Variants in PDE4D observed in about 807,000 individuals in gnomAD.
PDE4D encodes 3',5'-cyclic-AMP phosphodiesterase 4D.
In PDE4D, 24 loss-of-function variants were observed where a neutral mutation model predicts 87.4. The ratio of observed to expected loss-of-function variants is 0.27; its 90% CI spans 0.20 to 0.39. The LOEUF (loss-of-function observed/expected upper bound fraction) is 0.39, where lower values mean the gene tolerates loss of function less well. Among genes scored for constraint, PDE4D ranks in the 10% least tolerant of loss-of-function variants. PDE4D has a pLI of 1.00. For missense variants in PDE4D, 714 were observed against 1,041.0 expected (o/e 0.69, Z 4.32); for synonymous variants, 384 against 383.2 (o/e 1.00, Z -0.02).
chr5:59,144,995 A>G (rs567761169), intron 5 of PDE4D, among the ~76,000 whole-genome samples: 17 of 150,348 alleles, frequency 1.1e-4, no homozygotes, highest in Non-Finnish European at 2.4e-4. Flanking sequence ...ATTACAGACT[A>G]TGTATCCATG....
chr5:59,933,323 A>C (rs777332463), intron 3 of PDE4D, among the ~76,000 whole-genome samples: 5 of 152,192 alleles, frequency 3.3e-5, no homozygotes, highest in Non-Finnish European at 7.3e-5. Context: ...ATCTCTGTTC[A>C]ATTAAGGGTA....
chr5:59,269,408 T>C (rs1297433339), intron 1 of PDE4D, among the ~76,000 whole-genome samples: 1 of 152,158 alleles, frequency 6.6e-6, no homozygotes, highest in Non-Finnish European at 1.5e-5. Context: ...TAGTGATAAC[T>C]CTTCTGTGAT....
intron 1 of PDE4D, among the ~76,000 whole-genome samples, chr5:60,425,731 T>C (rs999912690): frequency 6.6e-6 from 1 of 152,068 alleles, no homozygotes; most frequent in African/African-American, 2.4e-5. Flanking sequence ...GAAACTACCA[T>C]CAGAGTGAAC....
intron 3 of PDE4D, among the ~76,000 whole-genome samples, chr5:59,952,408 T>G (rs1209204181): frequency 6.6e-6 from 1 of 152,212 alleles, no homozygotes; most frequent in African/African-American, 2.4e-5. Flanking sequence ...AGCTCTAAGC[T>G]TTCATGTCCC....
intron 1 of PDE4D, among the ~76,000 whole-genome samples, chr5:59,771,496 AG>A (rs781565776): frequency 0.049 from 3,945 of 81,044 alleles, 54 homozygotes; most frequent in East Asian, 0.067. Context: ...AGAGAGAGAG[AG>A]AGAAGAAAGA....
At position 59,960,893 on chromosome 5, in the gene PDE4D, T is replaced by C. The variant is rs527545146; in HGVS notation, c.272+27595A>G. On this transcript the variant is annotated intron_variant, in intron 3 of 16. Coordinates refer to the PDE4D transcript ENST00000502484. Reference sequence around the variant, plus strand: ...AAAAAATTAAAAAAATATTTATATGTGAATTGAAAAGAGAAGATAAATTAT... The same window carrying C: ...AAAAAATTAAAAAAATATTTATATGCGAATTGAAAAGAGAAGATAAATTAT... Among the ~76,000 whole-genome samples, 7 of 152,290 alleles carry C rather than the reference T, an allele frequency of 4.6e-5. No individual in the cohort carries two copies. In the South Asian group the frequency reaches 1.2e-3, roughly 27 times the overall value.
chr5:59,256,609 C>T (rs141993519), intron 1 of PDE4D, among the ~76,000 whole-genome samples: 13 of 152,150 alleles, frequency 8.5e-5, no homozygotes, highest in East Asian at 1.9e-4. Flanking sequence ...AATTGCATCA[C>T]GTTTTGATGA....
intron 1 of PDE4D, among the ~76,000 whole-genome samples, chr5:59,673,794 A>G (rs925945517): frequency 6.6e-5 from 10 of 152,224 alleles, no homozygotes; most frequent in African/African-American, 2.4e-4. Flanking sequence ...ACCATCCTGC[A>G]TGGTCATTAT....
At chr5:59,804,690 C>A (rs1370739434) in intron 1 of PDE4D, among the ~76,000 whole-genome samples, 1 of 152,192 alleles carries the variant, frequency 6.6e-6, no homozygotes. Flanking sequence ...AATATTACTT[C>A]ATTTCATAAA....
At chr5:59,549,603 A>G (rs294484) in intron 1 of PDE4D, among the ~76,000 whole-genome samples, 129,261 of 152,128 alleles carry the variant, frequency 0.85, 55,156 homozygotes, top group South Asian at 0.92. Context: ...ACATGAAAAT[A>G]TATATAACCT....
intron 1 of PDE4D, among the ~76,000 whole-genome samples, chr5:59,244,194 T>C (rs565049509): frequency 1.3e-5 from 2 of 151,994 alleles, no homozygotes; most frequent in East Asian, 3.9e-4. Flanking sequence ...CTTCAGGAGT[T>C]CAAGACCACC....
intron 1 of PDE4D, among the ~76,000 whole-genome samples, chr5:59,385,102 T>C (rs1393046114): frequency 1.3e-5 from 2 of 152,174 alleles, no homozygotes; most frequent in Admixed American, 1.3e-4. Flanking sequence ...ATTTTCTCTT[T>C]TCAGCCTCCT....
intron 5 of PDE4D, among the ~76,000 whole-genome samples, chr5:59,149,705 A>AGTTT (rs1779183642): frequency 2.6e-5 from 1 of 38,874 alleles, no homozygotes; most frequent in Non-Finnish European, 5.1e-5. Context: ...TCTCTCCTCG[A>AGTTT]GTTTTTTTTT....
chr5:59,862,593 T>C (rs898189834), intron 1 of PDE4D, among the ~76,000 whole-genome samples: 4 of 152,146 alleles, frequency 2.6e-5, no homozygotes, highest in Admixed American at 1.3e-4. Context: ...GTCTGTAAAA[T>C]GGGGATGCTA....
intron 1 of PDE4D, among the ~76,000 whole-genome samples, chr5:60,188,739 T>C (rs1437052641): frequency 2.6e-5 from 4 of 152,192 alleles, no homozygotes; most frequent in South Asian, 2.1e-4. Context: ...ATTGTTAATA[T>C]GTTTTCCCAT....
chr5:59,418,646 CA>C (rs920252769), intron 1 of PDE4D, among the ~76,000 whole-genome samples: 3 of 150,810 alleles, frequency 2.0e-5, no homozygotes, highest in African/African-American at 7.4e-5. Flanking sequence ...ATTTACCTAA[CA>C]ATTTTTTTTT....
chr5:59,425,212 C>T (rs556344342), intron 1 of PDE4D, among the ~76,000 whole-genome samples: 6 of 152,064 alleles, frequency 3.9e-5, no homozygotes, highest in African/African-American at 1.4e-4. Context: ...TTGTGCTTAC[C>T]ACAAGAAAGG....
At chr5:60,337,388 T>TATATATATACAC (rs66871903) in intron 1 of PDE4D, among the ~76,000 whole-genome samples, 30 of 89,446 alleles carry the variant, frequency 3.4e-4, no homozygotes, top group Non-Finnish European at 4.6e-4. Flanking sequence ...TATATATATA[T>TATATATATACAC]ACACACACAC....
At chr5:58,976,848 G>T (rs1034023785) in intron 12 of PDE4D, among the ~76,000 whole-genome samples, 1 of 152,168 alleles carries the variant, frequency 6.6e-6, no homozygotes, top group South Asian at 2.1e-4. Flanking sequence ...TGTCTAAATG[G>T]CACTGTCTAC....
Sources: gnomAD v4.1 joint callset for allele counts (sites outside exome capture counted in the v4.1 genomes callset) on GRCh38, gnomAD v4.1.1 for gene constraint, MANE v1.5 for transcripts, NCBI Gene and HGNC (gene_info 2026-07-23, HGNC 2026-07-21) for gene names.